Variants in DOCK4 observed in about 807,000 individuals in gnomAD.
DOCK4 encodes dedicator of cytokinesis 4.
Under a neutral mutation model 268.1 loss-of-function variants are expected in DOCK4, and 97 were observed. That is an observed-to-expected ratio of 0.36 (90% confidence interval 0.31 to 0.43). DOCK4 has a LOEUF of 0.43. DOCK4 is among the 20% of genes least tolerant of loss of function. DOCK4 has a pLI of 1.00. For missense variants in DOCK4, 2,145 were observed against 2,455.7 expected (o/e 0.87, Z 2.67); for synonymous variants, 954 against 887.2 (o/e 1.08, Z -1.34).
At chr7:112,128,383 C>T (rs1296183988) in intron 1 of DOCK4, among the ~76,000 whole-genome samples, 1 of 152,118 alleles carries the variant, frequency 6.6e-6, no homozygotes, top group Non-Finnish European at 1.5e-5. Flanking sequence ...AGTGAGGAGC[C>T]CCTCTGCCAG....
chr7:111,739,185 T>C lies in DOCK4; in HGVS notation c.5181A>G (p.Pro1727=), dbSNP rs1795715948. Residue 1727 remains proline, a synonymous_variant, in exon 49 of 53, where the codon CCA becomes CCG. Transcript: ENST00000428084. ...KHSRENSCLS[P]RERPCSAIYP... ...AGATGGCACTGCATGGTCTCTCTCT[T>C]GGTGACAGGCAAGAGTTTTCTCGGG... 3 of 1,613,888 alleles carry C rather than the reference T, an allele frequency of 1.9e-6. No individual in the cohort carries two copies. Among genetic ancestry groups the C allele is most frequent in the East Asian group, 2.2e-5 (1 of 44,888 alleles).
intron 1 of DOCK4, among the ~76,000 whole-genome samples, chr7:112,049,677 T>C (rs919644096): frequency 2.0e-5 from 3 of 152,164 alleles, no homozygotes; most frequent in Non-Finnish European, 4.4e-5. Flanking sequence ...CAAGTTAACA[T>C]GCTAACATTA....
chr7:111,918,704 A>G (rs1449167654), intron 12 of DOCK4, among the ~76,000 whole-genome samples: 1 of 152,102 alleles, frequency 6.6e-6, no homozygotes, highest in Non-Finnish European at 1.5e-5. Flanking sequence ...CATTACCATC[A>G]TCATTAGCAT....
intron 35 of DOCK4, among the ~76,000 whole-genome samples, chr7:111,782,123 T>A (rs1418395744): frequency 6.6e-6 from 1 of 152,228 alleles, no homozygotes; most frequent in African/African-American, 2.4e-5. Flanking sequence ...TGACTTACAT[T>A]AAAATATGAC....
chr7:112,187,438 C>T lies in DOCK4; in HGVS notation c.37+18664G>A, dbSNP rs148456920. ...TTCTCTTATGATGTTTTTCTTCTCT[C>T]CCTATCCCATTTTCATTTTCACAGC... is the stretch of plus-strand genomic sequence containing the variant. On this transcript the variant is annotated intron_variant, in intron 1 of 52. Transcript: ENST00000428084. 2.3e-3 allele frequency among the ~76,000 whole-genome samples: 347 copies of T among 152,286 alleles called. 2 individuals are homozygous for T. Among genetic ancestry groups the T allele is most frequent in the African/African-American group, 8.0e-3 (333 of 41,560 alleles).
rs922607428 is a variant in DOCK4, at chr7:111,900,398, G to A, written c.1456C>T (p.Arg486Cys). ...CTGGAACAATGCCGAAACTCGAAGCGGATGTGTGCACCCCGGAATTTATCC... is the reference window on the plus strand; with the variant it reads ...CTGGAACAATGCCGAAACTCGAAGCAGATGTGTGCACCCCGGAATTTATCC... ...PVDKFRGAHI[R>C]FEFRHCSTKE... Residue 486 changes from arginine to cysteine, a missense_variant, in exon 15 of 53, where the codon CGC (arginine) becomes TGC (cysteine). Around this residue, in one of 2 missense-constraint regions of DOCK4, gnomAD observed 1,598 missense variants for 1,986.7 expected, o/e 0.80. Coordinates refer to ENST00000428084, the MANE Select transcript of DOCK4 (RefSeq NM_001363540.2). 6.2e-6 allele frequency: 10 copies of A among 1,613,314 alleles called. No homozygotes were observed. The highest frequency in any genetic ancestry group is 4.5e-5 in the East Asian group (2 of 44,852).
intron 8 of DOCK4, among the ~76,000 whole-genome samples, chr7:111,964,201 G>T (rs1797192642): frequency 1.5e-5 from 2 of 135,076 alleles, no homozygotes; most frequent in Admixed American, 1.4e-4. Flanking sequence ...GAACAAAGCT[G>T]GATGGAGAAT....
At chr7:112,133,799 A>T (rs140002344) in intron 1 of DOCK4, among the ~76,000 whole-genome samples, 2 of 152,346 alleles carry the variant, frequency 1.3e-5, no homozygotes, top group East Asian at 3.9e-4. Flanking sequence ...AAGGACAAAG[A>T]CTGCTTCTTT....
intron 1 of DOCK4, among the ~76,000 whole-genome samples, chr7:112,058,895 G>A (rs1282414307): frequency 6.6e-6 from 1 of 152,124 alleles, no homozygotes; most frequent in African/African-American, 2.4e-5. Context: ...AAAGAAGAAG[G>A]AAAAGCTCTT....
intron 1 of DOCK4, among the ~76,000 whole-genome samples, chr7:112,013,666 C>T (rs1029577227): frequency 2.6e-5 from 4 of 152,238 alleles, no homozygotes; most frequent in Admixed American, 6.5e-5. Context: ...CTCGGTCACA[C>T]GTGTCCATGT....
chr7:112,092,115 C>T (rs748885274), intron 1 of DOCK4, among the ~76,000 whole-genome samples: 4 of 152,124 alleles, frequency 2.6e-5, no homozygotes, highest in Non-Finnish European at 5.9e-5. Flanking sequence ...ATATCCCACA[C>T]CCCCACCCAG....
intron 8 of DOCK4, among the ~76,000 whole-genome samples, chr7:111,959,490 T>G (rs1796696443): frequency 6.6e-6 from 1 of 152,218 alleles, no homozygotes; most frequent in Non-Finnish European, 1.5e-5. Flanking sequence ...TGCTATACAT[T>G]TTAAATGATG....
intron 10 of DOCK4, among the ~76,000 whole-genome samples, chr7:111,941,423 T>C (rs1289853289): frequency 1.3e-5 from 2 of 152,318 alleles, no homozygotes; most frequent in East Asian, 3.9e-4. Flanking sequence ...TTTGGTCACT[T>C]TTTTAAATGA....
At chr7:112,091,482 C>G (rs1388754222) in intron 1 of DOCK4, among the ~76,000 whole-genome samples, 2 of 152,116 alleles carry the variant, frequency 1.3e-5, no homozygotes, top group Non-Finnish European at 2.9e-5. Flanking sequence ...TACTCTTGAA[C>G]TGAAAACAGG....
chr7:111,937,971 C>G (rs1030329313), intron 11 of DOCK4, among the ~76,000 whole-genome samples: 2 of 152,150 alleles, frequency 1.3e-5, no homozygotes, highest in African/African-American at 4.8e-5. Flanking sequence ...AGTAAGCACA[C>G]AGTAAAGGGT....
At chr7:111,979,050 A>G (rs1399493905) in intron 7 of DOCK4, among the ~76,000 whole-genome samples, 1 of 152,196 alleles carries the variant, frequency 6.6e-6, no homozygotes, top group African/African-American at 2.4e-5. Flanking sequence ...GCCTGTGTTG[A>G]GGGATAAGGT....
chr7:112,187,560 T>C (rs1819581496), intron 1 of DOCK4, among the ~76,000 whole-genome samples: 1 of 152,164 alleles, frequency 6.6e-6, no homozygotes, highest in African/African-American at 2.4e-5. Context: ...CAGAGAACTA[T>C]AACCAAACCC....
At chr7:111,842,418 T>C (rs1308355950) in intron 25 of DOCK4, among the ~76,000 whole-genome samples, 1 of 152,220 alleles carries the variant, frequency 6.6e-6, no homozygotes, top group African/African-American at 2.4e-5. Context: ...GGGCAATGCT[T>C]TTAGCCGCAG....
intron 1 of DOCK4, among the ~76,000 whole-genome samples, chr7:112,061,787 T>C (rs912774409): frequency 8.5e-6 from 1 of 117,526 alleles, no homozygotes; most frequent in African/African-American, 3.5e-5. Context: ...ACACACACGA[T>C]GTACATGGTT....
Sources: allele counts gnomAD v4.1 joint callset (sites outside exome capture counted in the v4.1 genomes callset), GRCh38; gene constraint gnomAD v4.1.1; regional missense constraint gnomAD v4.1.1; transcripts MANE v1.5; gene names NCBI Gene and HGNC (gene_info 2026-07-23, HGNC 2026-07-21).